Variants in C13orf46 observed in about 807,000 individuals in gnomAD.
The protein encoded by C13orf46 is chromosome 13 open reading frame 46.
the C13orf46 span, chr13:113,927,508 C>G: frequency 3.0e-5 from 12 of 398,788 alleles, no homozygotes; most frequent in African/African-American, 4.1e-5. Context: ...CTGAAGGCCA[C>G]ATCGATGCTT....
At chr13:113,965,826 GATA>G (rs1413521266) in intron 5 of C13orf46, among the ~76,000 whole-genome samples, 2 of 118,808 alleles carry the variant, frequency 1.7e-5, no homozygotes, top group Non-Finnish European at 3.4e-5. Context: ...TGATGATGGT[GATA>G]ATGGTGATGG....
chr13:113,932,699 A>G, the C13orf46 span, among the ~76,000 whole-genome samples: 1 of 152,256 alleles, frequency 6.6e-6, no homozygotes, highest in African/African-American at 2.4e-5. Context: ...CTTAAAGGGC[A>G]AAAGTTTTAA....
rs1006473971 is a variant in C13orf46 at position 113,954,132 on chromosome 13, A to G, written c.*2641T>C. On this transcript the variant is annotated 3_prime_UTR_variant, in exon 7 of 7. Transcript: ENST00000636427. Reference sequence around the variant, plus strand: ...CTCCCTCCCTGGCTGAGTGATGGGCAGAGCTCACCCTCTGGGAGCCTCTGC... The same window carrying G: ...CTCCCTCCCTGGCTGAGTGATGGGCGGAGCTCACCCTCTGGGAGCCTCTGC... 9 of 152,244 alleles carry G rather than the reference A, an allele frequency of 5.9e-5. No individual in the cohort carries two copies. Among genetic ancestry groups the G allele is most frequent in the African/African-American group, 1.7e-4 (7 of 41,454 alleles). The allele number at this position is 152,244 out of a possible 1,614,324, so 9.4% of individuals were successfully genotyped here. A position where few individuals can be genotyped will look rare whatever the true frequency, so the allele number is the denominator to read the frequency against.
the C13orf46 span, among the ~76,000 whole-genome samples, chr13:113,930,418 C>T: frequency 1.6e-4 from 19 of 119,362 alleles, 1 homozygote; most frequent in Admixed American, 3.1e-4. Context: ...GCAGGAGCAC[C>T]GAGGCGGGGG....
chr13:113,947,244 A>T, the C13orf46 span, among the ~76,000 whole-genome samples: 6 of 152,256 alleles, frequency 3.9e-5, no homozygotes, highest in Admixed American at 3.9e-4. Flanking sequence ...CTCCAGGACA[A>T]GCGTCGGGGC....
chr13:113,945,656 GAAAGAAAGAAAGAA>G, the C13orf46 span, among the ~76,000 whole-genome samples: 50 of 137,806 alleles, frequency 3.6e-4, no homozygotes, highest in African/African-American at 1.2e-3. Flanking sequence ...AAGAAAGAAA[GAAAGAAAGAAAGAA>G]AGGAAAGAAA....
chr13:113,934,756 C>T, the C13orf46 span, among the ~76,000 whole-genome samples: 1 of 152,352 alleles, frequency 6.6e-6, no homozygotes, highest in South Asian at 2.1e-4. Flanking sequence ...CGTGTCGCTG[C>T]GGAGATGTGC....
intron 6 of C13orf46, among the ~76,000 whole-genome samples, chr13:113,960,250 T>C (rs1381772003): frequency 1.0e-5 from 1 of 98,698 alleles, no homozygotes; most frequent in African/African-American, 3.2e-5. Context: ...AGCGAGACTC[T>C]GTCTCAAAAA....
downstream of C13orf46, among the ~76,000 whole-genome samples, chr13:113,951,550 G>A (rs2052488671): frequency 6.6e-6 from 1 of 152,174 alleles, no homozygotes; most frequent in Admixed American, 6.5e-5. Context: ...GAAAGGCATA[G>A]AGGGGCCCAG....
Position 113,953,885 on chromosome 13 carries a change from T to C in C13orf46, c.*2888A>G, listed in dbSNP as rs2052500182. On this transcript the variant is annotated 3_prime_UTR_variant, in exon 7 of 7. Transcript: ENST00000636427. The stretch of plus-strand genomic sequence containing the variant: ...AGTCACACCCAACTGCCCGGCAGCC[T>C]GTCCAGGACAGCCCGTCCAGGGCCC... 1 of 152,252 alleles carries C rather than the reference T, an allele frequency of 6.6e-6. No homozygotes were observed. Among genetic ancestry groups the C allele is most frequent in the African/African-American group, 2.4e-5 (1 of 41,462 alleles). 9.4% of individuals were successfully genotyped at this position (152,252 alleles called of 1,614,324 possible).
At chr13:113,965,860 A>ATGG (rs1245164518) in intron 5 of C13orf46, among the ~76,000 whole-genome samples, 3 of 148,032 alleles carry the variant, frequency 2.0e-5, no homozygotes, top group African/African-American at 7.5e-5. Context: ...GATGGTGGTG[A>ATGG]TGATGGTGAT....
At chr13:113,945,649 A>AAAGAAAG in the C13orf46 span, among the ~76,000 whole-genome samples, 9 of 138,360 alleles carry the variant, frequency 6.5e-5, no homozygotes, top group Admixed American at 1.4e-4. Flanking sequence ...AGAAAGAAAG[A>AAAGAAAG]AAGAAAGAAA....
chr13:113,947,678 TC>T, the C13orf46 span, among the ~76,000 whole-genome samples: 2 of 152,130 alleles, frequency 1.3e-5, no homozygotes, highest in Non-Finnish European at 2.9e-5. Flanking sequence ...GGTGTCCATT[TC>T]CACCTCCCGA....
At chr13:113,947,974 C>T in the C13orf46 span, among the ~76,000 whole-genome samples, 44 of 152,356 alleles carry the variant, frequency 2.9e-4, no homozygotes, top group Middle Eastern at 3.4e-3. Flanking sequence ...GAGCCCATGT[C>T]CAGCCAGGGT....
intron 2 of C13orf46, among the ~76,000 whole-genome samples, chr13:113,969,213 C>T (rs1357849239): frequency 4.6e-5 from 7 of 152,364 alleles, no homozygotes; most frequent in African/African-American, 1.7e-4. Flanking sequence ...CTGTGGTCTG[C>T]TATGGTGTGT....
intron 6 of C13orf46, among the ~76,000 whole-genome samples, chr13:113,960,882 T>C (rs2052581374): frequency 6.6e-6 from 1 of 152,238 alleles, no homozygotes; most frequent in Admixed American, 6.5e-5. Context: ...TTCTGTACCT[T>C]TTGGTAACTG....
At chr13:113,926,938 A>G in the C13orf46 span, 1 of 152,176 alleles carries the variant, frequency 6.6e-6, no homozygotes, top group East Asian at 1.9e-4. Context: ...GTCTCCTTGC[A>G]TGCAGCCCTC....
chr13:113,947,162 G>T, the C13orf46 span, among the ~76,000 whole-genome samples: 1 of 152,216 alleles, frequency 6.6e-6, no homozygotes, highest in Non-Finnish European at 1.5e-5. Flanking sequence ...GCACATCAGA[G>T]CTGCGTGCTT....
At chr13:113,952,402 C>T (rs936374340), downstream of C13orf46, among the ~76,000 whole-genome samples, 4 of 148,680 alleles carry the variant, frequency 2.7e-5, no homozygotes, top group Non-Finnish European at 6.0e-5. Context: ...CCCAGGGCCG[C>T]TGTGTGGCCG....
Sources: allele counts gnomAD v4.1 joint callset (sites outside exome capture counted in the v4.1 genomes callset), GRCh38; gene constraint gnomAD v4.1.1; transcripts MANE v1.5; gene names NCBI Gene and HGNC (gene_info 2026-07-23, HGNC 2026-07-21).